The following ANKRD36 variants were observed in gnomAD, a reference collection of about 807,000 sequenced individuals.
The protein encoded by ANKRD36 is ankyrin repeat domain 36.
Under a neutral mutation model 278.1 loss-of-function variants are expected in ANKRD36, and 179 were observed. The observed-to-expected ratio is 0.64, with a 90% CI of 0.57 to 0.73. The LOEUF (loss-of-function observed/expected upper bound fraction) is 0.73. ANKRD36 is among the 30% of genes least tolerant of loss of function. The probability of loss-of-function intolerance (pLI) is 0.00; values close to 1 mark genes in which losing one functional copy is unlikely to be tolerated. For missense variants in ANKRD36, 1,159 were observed against 1,956.7 expected, an observed-to-expected ratio of 0.59 and a Z score of 7.69; for synonymous variants, 320 against 641.1, an observed-to-expected ratio of 0.50 and a Z score of 7.57.
intron 15 of ANKRD36, among the ~76,000 whole-genome samples, chr2:97,156,291 A>G (rs1235974746): frequency 6.9e-6 from 1 of 145,280 alleles, no homozygotes; most frequent in Non-Finnish European, 1.6e-5. Context: ...ACATATGTAT[A>G]CATGTGCCAT....
In ANKRD36 at chr2:97,154,339, GTCTTT is replaced by G. The variant is rs1396756501; in HGVS notation, c.1194-335_1194-331del. On this transcript the variant is annotated intron_variant, in intron 14 of 75. Coordinates refer to ENST00000420699, the MANE Select transcript of ANKRD36 (RefSeq NM_001354587.1). Reference sequence around the variant, plus strand: ...AGATATCAATTGGATTTTCAGTTTAGTCTTTAGGGTAGATAATTTATAAGGACAAA... The same window carrying G: ...AGATATCAATTGGATTTTCAGTTTAGAGGGTAGATAATTTATAAGGACAAA... Among the ~76,000 whole-genome samples the G allele has an allele frequency of 7.4e-5, 11 of 149,272 alleles. No homozygotes were observed. In the South Asian group the frequency reaches 2.3e-3, roughly 31 times the overall value.
At chr2:97,195,240 G>A (rs1299777724) in intron 40 of ANKRD36, among the ~76,000 whole-genome samples, 5 of 151,954 alleles carry the variant, frequency 3.3e-5, no homozygotes, top group African/African-American at 1.2e-4. Flanking sequence ...AGAAGGAGAG[G>A]AAGTACAGAT....
intron 22 of ANKRD36, among the ~76,000 whole-genome samples, chr2:97,176,243 T>C (rs1466024439): frequency 6.6e-6 from 1 of 151,578 alleles, no homozygotes; most frequent in African/African-American, 2.4e-5. Context: ...CTCCCATTAT[T>C]AATGTGTGGG....
chr2:97,149,528 T>G (rs1209506523), intron 12 of ANKRD36, among the ~76,000 whole-genome samples, 167 bp downstream of exon 12: 1 of 152,046 alleles, frequency 6.6e-6, no homozygotes, highest in East Asian at 2.0e-4. Flanking sequence ...ATTTTAATTT[T>G]TTTTACTTTG....
intron 6 of ANKRD36, among the ~76,000 whole-genome samples, chr2:97,133,086 A>T (rs1275079072): frequency 6.6e-6 from 1 of 152,084 alleles, no homozygotes; most frequent in Non-Finnish European, 1.5e-5. Flanking sequence ...CAAACCTTTA[A>T]AATACAAATT....
At chr2:97,142,342 C>T (rs1211380410) in intron 6 of ANKRD36, among the ~76,000 whole-genome samples, 2 of 151,984 alleles carry the variant, frequency 1.3e-5, no homozygotes. Context: ...TTTTAGACCA[C>T]ATTTGTTTTT....
Position 97,113,773 on chromosome 2 carries a change from C to T in ANKRD36, c.34C>T (p.Leu12Phe), listed in dbSNP as rs2034239648. 25 of 1,612,952 alleles carry T rather than the reference C, an allele frequency of 1.5e-5. No homozygotes were observed. Among genetic ancestry groups the T allele is most frequent in the East Asian group, 2.3e-5 (1 of 44,156 alleles). Residue 12 changes from leucine to phenylalanine, a missense_variant, in exon 1 of 76, where the codon CTC becomes TTC. Leu to Phe is a conservative substitution (Grantham distance 22). Transcript: ENST00000420699. ...EDGKRERWPT[L>F]MERLCSDGFA... Reference sequence around the variant, plus strand: ...CGGCAAGCGGGAGAGGTGGCCCACCCTCATGGAGCGCTTGTGCTCGGATGG... The same window carrying T: ...CGGCAAGCGGGAGAGGTGGCCCACCTTCATGGAGCGCTTGTGCTCGGATGG...
At position 97,189,452 on chromosome 2, in the gene ANKRD36, G is replaced by A. The variant is rs1454214003; in HGVS notation, c.2245+162G>A. ...CATTTGTAATAAATTCCTGGGTGAC[G>A]CTAATGCTGCTGGCTTGGAACGTGA... On this transcript the variant is annotated intron_variant, in intron 34 of 75. Transcript: ENST00000420699. 2.3e-5 allele frequency among the ~76,000 whole-genome samples: 2 copies of A among 88,274 alleles called. 1 individual carries two copies. Among genetic ancestry groups the A allele is most frequent in the Non-Finnish European group, 7.9e-5 (2 of 25,182 alleles). 57.9% of individuals were successfully genotyped at this position (88,274 alleles called of 152,430 possible). A position where few individuals can be genotyped will look rare whatever the true frequency, so the allele number is the denominator to read the frequency against.
intron 44 of ANKRD36, among the ~76,000 whole-genome samples, 186 bp from the exon 45 acceptor site, chr2:97,200,148 A>G (rs1575746638): frequency 6.6e-6 from 1 of 151,864 alleles, no homozygotes; most frequent in Non-Finnish European, 1.5e-5. Context: ...TGTATTTCAC[A>G]GAGCCTGTGT....
At chr2:97,170,657 C>T (rs1247910934) in intron 22 of ANKRD36, among the ~76,000 whole-genome samples, 1 of 151,832 alleles carries the variant, frequency 6.6e-6, no homozygotes, top group African/African-American at 2.4e-5. Context: ...GACTTCATGT[C>T]CAAAACACCA....
At chr2:97,132,505 C>T (rs1218740885) in intron 6 of ANKRD36, among the ~76,000 whole-genome samples, 1 of 149,666 alleles carries the variant, frequency 6.7e-6, no homozygotes, top group Admixed American at 6.7e-5. Flanking sequence ...TTTATTCATG[C>T]GGAAATACAG....
At chr2:97,177,813 C>T (rs2054774579) in intron 22 of ANKRD36, among the ~76,000 whole-genome samples, 1 of 151,868 alleles carries the variant, frequency 6.6e-6, no homozygotes, top group Admixed American at 6.6e-5. Flanking sequence ...CAACAAAAGA[C>T]AAAATTGACA....
chr2:97,120,561 A>G (rs567139440), intron 3 of ANKRD36, among the ~76,000 whole-genome samples: 57 of 151,714 alleles, frequency 3.8e-4, no homozygotes, highest in African/African-American at 1.3e-3. Flanking sequence ...CTAATTATCC[A>G]TTTGGTGAAC....
At chr2:97,227,549 T>A (rs1420282148) in intron 67 of ANKRD36, among the ~76,000 whole-genome samples, 1 of 152,118 alleles carries the variant, frequency 6.6e-6, no homozygotes, top group African/African-American at 2.4e-5. Flanking sequence ...GTTTTCTAGA[T>A]ATACAATCAT....
intron 42 of ANKRD36, among the ~76,000 whole-genome samples, chr2:97,198,072 C>A (rs185187273): frequency 2.1e-4 from 32 of 151,964 alleles, no homozygotes; most frequent in Non-Finnish European, 4.1e-4. Flanking sequence ...GGTGTAAATC[C>A]TTTTGATTTG....
intron 60 of ANKRD36, among the ~76,000 whole-genome samples, chr2:97,213,990 A>T (rs1033176259): frequency 2.5e-4 from 38 of 151,728 alleles, no homozygotes; most frequent in African/African-American, 9.2e-4. Flanking sequence ...AAAAAGACAG[A>T]ATAGTGATCC....
In ANKRD36 at chr2:97,117,928, T is replaced by A. The variant is rs2035927636; in HGVS notation, c.198-136T>A. 8.8e-6 allele frequency: 11 copies of A among 1,243,440 alleles called. No individual in the cohort carries two copies. In the Admixed American group the frequency reaches 2.1e-4, roughly 23 times the overall value. The allele number at this position is 1,243,440 out of a possible 1,614,324, so 77.0% of individuals were successfully genotyped here. On this transcript the variant is annotated intron_variant, in intron 1 of 75. Transcript: ENST00000420699. Reference sequence around the variant, plus strand: ...ATTAAATAGCCTGCTCTTTCATTAATGTGGTGAGTAATAAGCGCTAACAAA... The same window carrying A: ...ATTAAATAGCCTGCTCTTTCATTAAAGTGGTGAGTAATAAGCGCTAACAAA...
chr2:97,196,941 G>A (rs2059931304), intron 42 of ANKRD36, among the ~76,000 whole-genome samples, 153 bp downstream of exon 42: 2 of 151,920 alleles, frequency 1.3e-5, no homozygotes, highest in Admixed American at 6.6e-5. Flanking sequence ...GGGTGATGCT[G>A]ATGCTGCTGG....
At chr2:97,142,729 A>G (rs767883329) in intron 7 of ANKRD36, 34 bp from the exon 8 acceptor site, 2 of 1,610,032 alleles carry the variant, frequency 1.2e-6, no homozygotes, top group Middle Eastern at 1.7e-4. Context: ...AATATACTTT[A>G]TGTATTGATT....
Sources: gnomAD v4.1 joint callset for allele counts (sites outside exome capture counted in the v4.1 genomes callset) on GRCh38, gnomAD v4.1.1 for gene constraint, MANE v1.5 for transcripts, NCBI Gene and HGNC (gene_info 2026-07-23, HGNC 2026-07-21) for gene names.